Variants in NRXN3 observed in about 807,000 individuals in gnomAD.
The protein encoded by NRXN3 is neurexin III.
Under a neutral mutation model 137.6 loss-of-function variants are expected in NRXN3, and 32 were observed. The ratio of observed to expected loss-of-function variants is 0.23; its 90% CI spans 0.18 to 0.31. The LOEUF (loss-of-function observed/expected upper bound fraction) is 0.31, where lower values mean the gene tolerates loss of function less well. Ranked by LOEUF, NRXN3 falls within the 10% of genes least tolerant of loss-of-function variation. The pLI is 1.00. For synonymous variants in NRXN3, 798 were observed against 784.5 expected, an observed-to-expected ratio of 1.02 and a Z score of -0.29; for missense variants, 1,574 against 2,062.5, an observed-to-expected ratio of 0.76 and a Z score of 4.59.
chr14:79,320,883 C>T (rs1222896730), intron 15 of NRXN3, among the ~76,000 whole-genome samples: 1 of 151,736 alleles, frequency 6.6e-6, no homozygotes, highest in Non-Finnish European at 1.5e-5. Flanking sequence ...GCTAGTTTCC[C>T]AGTGCCAAGA....
chr14:79,746,111 C>T (rs758389787), intron 19 of NRXN3, among the ~76,000 whole-genome samples: 1 of 152,092 alleles, frequency 6.6e-6, no homozygotes, highest in African/African-American at 2.4e-5. Context: ...ATAGACCTCT[C>T]TAGTTTTACT....
chr14:78,998,261 T>C (rs1277509953), intron 15 of NRXN3, among the ~76,000 whole-genome samples: 1 of 152,204 alleles, frequency 6.6e-6, no homozygotes. Flanking sequence ...CTTTTTTACC[T>C]GACTTCACCT....
intron 15 of NRXN3, among the ~76,000 whole-genome samples, chr14:79,033,295 T>A (rs2099610786): frequency 6.6e-6 from 1 of 152,106 alleles, no homozygotes; most frequent in South Asian, 2.1e-4. Context: ...TGCATACACT[T>A]TGAGGGCAGA....
chr14:78,218,067 A>G (rs2063473819), intron 1 of NRXN3, among the ~76,000 whole-genome samples: 1 of 152,142 alleles, frequency 6.6e-6, no homozygotes, highest in South Asian at 2.1e-4. Flanking sequence ...TCATATATGT[A>G]TGTGTATATA....
chr14:78,579,740 G>T (rs956571679), intron 4 of NRXN3, among the ~76,000 whole-genome samples: 1 of 152,096 alleles, frequency 6.6e-6, no homozygotes, highest in Admixed American at 6.6e-5. Context: ...GAGCATGAAA[G>T]TTCACCTAAT....
intron 10 of NRXN3, among the ~76,000 whole-genome samples, chr14:78,912,636 A>C (rs2099242211): frequency 6.6e-6 from 1 of 152,094 alleles, no homozygotes; most frequent in Non-Finnish European, 1.5e-5. Context: ...GGTTAGATAG[A>C]ACTTGGAGGA....
At chr14:79,132,828 G>A (rs1468278738) in intron 15 of NRXN3, among the ~76,000 whole-genome samples, 1 of 152,198 alleles carries the variant, frequency 6.6e-6, no homozygotes, top group Non-Finnish European at 1.5e-5. Context: ...GAGAGAAGTT[G>A]AGCTGCGATG....
At chr14:78,943,281 A>C (rs2099356685) in intron 10 of NRXN3, among the ~76,000 whole-genome samples, 1 of 152,118 alleles carries the variant, frequency 6.6e-6, no homozygotes, top group African/African-American at 2.4e-5. Flanking sequence ...GTGATGAAGA[A>C]GACTAGAAAA....
Position 79,376,108 on chromosome 14 carries a change from G to A in NRXN3, c.3263-91113G>A, listed in dbSNP as rs147043395. Among the ~76,000 whole-genome samples the A allele has an allele frequency of 8.5e-3, 1,241 of 146,122 alleles. 18 individuals carry two copies. Among genetic ancestry groups the A allele is most frequent in the African/African-American group, 0.029 (1,151 of 40,006 alleles). ...TAGTCATCATCATCATCATATACACGTGAATATATGTACATATATGTATTA... is the reference window on the plus strand; with the variant it reads ...TAGTCATCATCATCATCATATACACATGAATATATGTACATATATGTATTA... On this transcript the variant is annotated intron_variant, in intron 15 of 20. Transcript: ENST00000335750.
chr14:78,590,868 A>G (rs559090473), intron 4 of NRXN3, among the ~76,000 whole-genome samples: 86 of 152,326 alleles, frequency 5.6e-4, no homozygotes, highest in Middle Eastern at 3.4e-3. Flanking sequence ...ACTGCACTCC[A>G]GCCAGGGAGA....
chr14:79,216,897 G>A (rs1408129134), intron 15 of NRXN3, among the ~76,000 whole-genome samples: 1 of 152,134 alleles, frequency 6.6e-6, no homozygotes, highest in East Asian at 1.9e-4. Flanking sequence ...AGCACTTTGG[G>A]AGGCTGAGGT....
chr14:79,508,023 T>C (rs988541198), intron 16 of NRXN3, among the ~76,000 whole-genome samples: 4 of 152,238 alleles, frequency 2.6e-5, no homozygotes, highest in Middle Eastern at 3.4e-3. Context: ...GTGTGTCTTA[T>C]GGAGTAATTG....
At chr14:78,527,611 T>C (rs1447902201) in intron 4 of NRXN3, among the ~76,000 whole-genome samples, 1 of 152,220 alleles carries the variant, frequency 6.6e-6, no homozygotes, top group Non-Finnish European at 1.5e-5. Context: ...TACTGAACTT[T>C]CTAAGCTCCA....
intron 1 of NRXN3, among the ~76,000 whole-genome samples, chr14:78,220,440 G>A (rs1732736813): frequency 6.6e-6 from 1 of 152,158 alleles, no homozygotes; most frequent in Admixed American, 6.5e-5. Flanking sequence ...CTGAGAAGAA[G>A]CTCTGGTTTG....
At chr14:78,325,885 C>T (rs1178561947) in intron 4 of NRXN3, among the ~76,000 whole-genome samples, 1 of 152,126 alleles carries the variant, frequency 6.6e-6, no homozygotes, top group Non-Finnish European at 1.5e-5. Flanking sequence ...TTCAAGTTGT[C>T]ATTTTTGAGG....
chr14:79,727,307 A>G (rs1352517433), intron 19 of NRXN3, among the ~76,000 whole-genome samples: 7 of 152,192 alleles, frequency 4.6e-5, no homozygotes, highest in Non-Finnish European at 8.8e-5. Context: ...TAGCCCAATC[A>G]TGTATGAGTA....
At chr14:79,112,877 G>A (rs564887333) in intron 15 of NRXN3, among the ~76,000 whole-genome samples, 46 of 152,310 alleles carry the variant, frequency 3.0e-4, no homozygotes, top group African/African-American at 1.1e-3. Context: ...GTACCTCTTT[G>A]TAGCAGGGTA....
chr14:78,231,089 G>A (rs370544822), intron 1 of NRXN3, among the ~76,000 whole-genome samples: 30 of 152,274 alleles, frequency 2.0e-4, no homozygotes, highest in African/African-American at 6.3e-4. Flanking sequence ...TCCTGTCAAC[G>A]GGTAAGGAAA....
In NRXN3 at chr14:78,243,584, A is replaced by G; in HGVS notation, c.491A>G (p.Asp164Gly). Residue 164 changes from aspartate (D) to glycine (G), a missense_variant, in exon 2 of 21, where the codon GAT (aspartate) becomes GGT (glycine). By Grantham distance (94) the Asp-to-Gly change is moderately conservative (BLOSUM62 -1). Around this residue, in one of 5 missense-constraint regions of NRXN3, gnomAD observed 400 missense variants for 527.3 expected, o/e 0.76. Transcript: ENST00000335750. This position sits in a 1 kb window ranked among gnomAD's most constrained non-coding sequence, Gnocchi z 4.2. Reference sequence around the variant, plus strand: ...ATACGACCTTCTGCCCTGACCCTTGATGGAGTTCAGGCCATGCCCGGCTTC... The same window carrying G: ...ATACGACCTTCTGCCCTGACCCTTGGTGGAGTTCAGGCCATGCCCGGCTTC... ...TDIRPSALTL[D>G]GVQAMPGFKG... 1 of 1,598,340 alleles carries G rather than the reference A, an allele frequency of 6.3e-7. No homozygotes were observed. The highest frequency in any genetic ancestry group is 8.5e-7 in the Non-Finnish European group (1 of 1,179,800).
Sources: allele counts gnomAD v4.1 joint callset (sites outside exome capture counted in the v4.1 genomes callset), GRCh38; gene constraint gnomAD v4.1.1; regional missense constraint gnomAD v4.1.1; non-coding constraint Gnocchi (gnomAD v3.1); transcripts MANE v1.5; gene names NCBI Gene and HGNC (gene_info 2026-07-23, HGNC 2026-07-21).